The following COX20 variants were observed in gnomAD, a reference collection of about 807,000 sequenced individuals.
COX20 encodes the protein cytochrome c oxidase assembly protein COX20, mitochondrial.
In COX20, 14 loss-of-function variants were observed where a neutral mutation model predicts 14.3. The ratio of observed to expected loss-of-function variants is 0.98; its 90% CI spans 0.65 to 1.53. The LOEUF (loss-of-function observed/expected upper bound fraction) is 1.53. Among genes scored for constraint, COX20 ranks in the 40% most tolerant of loss-of-function variants. The probability of loss-of-function intolerance (pLI) is 0.00; values close to 1 mark genes in which losing one functional copy is unlikely to be tolerated. For synonymous variants in COX20, 56 were observed against 51.7 expected (o/e 1.08, Z -0.36); for missense variants, 149 against 142.1 (o/e 1.05, Z -0.25).
In COX20 at chr1:244,843,874, C is replaced by A. The variant is rs1413580185; in HGVS notation, c.*698C>A. 1 of 152,206 alleles carries A rather than the reference C, an allele frequency of 6.6e-6. No homozygotes were observed. The highest frequency in any genetic ancestry group is 1.5e-5 in the Non-Finnish European group (1 of 68,042). The allele number at this position is 152,206 out of a possible 1,614,324, so 9.4% of individuals were successfully genotyped here. A position where few individuals can be genotyped will look rare whatever the true frequency, so the allele number is the denominator to read the frequency against. ...AACAATCCATTTGAAAGTCAATCAG[C>A]TGCTCCCATTAAAATATTATTTAAA... On this transcript the variant is annotated 3_prime_UTR_variant, in exon 4 of 4. Transcript: ENST00000411948.
At chr1:244,843,018 T>C in intron 3 of COX20, 23 bp from the exon 4 acceptor site, 2 of 1,481,366 alleles carry the variant, frequency 1.4e-6, no homozygotes, top group Non-Finnish European at 9.1e-7. Context: ...ATTAACAATT[T>C]ATTCATATTC....
At chr1:244,841,647 A>T (rs923639628) in intron 1 of COX20, 7 of 256,894 alleles carry the variant, frequency 2.7e-5, no homozygotes, top group Non-Finnish European at 5.2e-5. Context: ...TAAAGAGCTC[A>T]TAAAATGAAT....
In COX20 at chr1:244,842,202, TAGA is replaced by T. The variant is rs755959906; in HGVS notation, c.169_171del (p.Arg57del). Reference sequence around the variant, plus strand: ...TTATGCTTATTTTTACAGGTAGAATTAGAAGATCATGTGATGTTGGAGTAGGAG... The same window carrying T: ...TTATGCTTATTTTTACAGGTAGAATTAGATCATGTGATGTTGGAGTAGGAG... On this transcript the variant is annotated inframe_deletion, in exon 3 of 4. Transcript: ENST00000411948. 5 of 1,604,200 alleles carry T rather than the reference TAGA, an allele frequency of 3.1e-6. No homozygotes were observed. The highest frequency in any genetic ancestry group is 4.3e-6 in the Non-Finnish European group (5 of 1,171,310).
chr1:244,842,720 G>A, intron 3 of COX20: 1 of 245,316 alleles, frequency 4.1e-6, no homozygotes. Flanking sequence ...TGTAGACATA[G>A]CATTATTATC....
Position 244,844,108 on chromosome 1 carries a change from C to T in COX20, c.*932C>T, listed in dbSNP as rs1418542487. 6.6e-6 allele frequency: 1 copy of T among 152,144 alleles called. No individual in the cohort carries two copies. The highest frequency in any genetic ancestry group is 1.9e-4 in the East Asian group (1 of 5,194). The allele number at this position is 152,144 out of a possible 1,614,324, so 9.4% of individuals were successfully genotyped here. A position where few individuals can be genotyped will look rare whatever the true frequency, so the allele number is the denominator to read the frequency against. ...TAACAGCAGTCAACAGGATTGTGGC[C>T]ATTACTGGTCCTATTATTTTGATGT... On this transcript the variant is annotated 3_prime_UTR_variant, in exon 4 of 4. Coordinates refer to ENST00000411948, the MANE Select transcript of COX20 (RefSeq NM_198076.6).
At chr1:244,838,778 G>A (rs1680081105) in intron 1 of COX20, among the ~76,000 whole-genome samples, 1 of 151,418 alleles carries the variant, frequency 6.6e-6, no homozygotes, top group African/African-American at 2.4e-5. Flanking sequence ...GAGGAGAGGG[G>A]TGTATAGAGG....
chr1:244,841,438 ACT>A (rs1680196284), intron 1 of COX20: 1 of 154,180 alleles, frequency 6.5e-6, no homozygotes, highest in Non-Finnish European at 1.4e-5. Flanking sequence ...TGAAACATTT[ACT>A]CTTACAACCA....
At position 244,835,793 on chromosome 1, in the gene COX20, G is replaced by A. The variant is rs1573306625; in HGVS notation, c.42+37G>A. The A allele has an allele frequency of 3.2e-6, 4 of 1,245,612 alleles. No individual in the cohort carries two copies. The East Asian group carries it at 9.4e-5, about 29-fold the overall frequency. The allele number at this position is 1,245,612 out of a possible 1,614,324, so 77.2% of individuals were successfully genotyped here. Reference sequence around the variant, plus strand: ...GTCGGCGGGGCGCGCGCCGCGGGTGGGCGGTGGGTAAGGACGTTCTCCGCG... The same window carrying A: ...GTCGGCGGGGCGCGCGCCGCGGGTGAGCGGTGGGTAAGGACGTTCTCCGCG... On this transcript the variant is annotated intron_variant, in intron 1 of 3. Coordinates refer to ENST00000411948, the MANE Select transcript of COX20 (RefSeq NM_198076.6).
Position 244,835,722 on chromosome 1 carries a change from CCCCGCCGGAG to C in COX20, c.13_22del (p.Pro5ValfsTer12). 3 of 1,268,730 alleles carry C rather than the reference CCCCGCCGGAG, an allele frequency of 2.4e-6. No homozygotes were observed. Among genetic ancestry groups the C allele is most frequent in the South Asian group, 2.9e-5 (1 of 34,874 alleles). The allele number at this position is 1,268,730 out of a possible 1,614,324, so 78.6% of individuals were successfully genotyped here. A position where few individuals can be genotyped will look rare whatever the true frequency, so the allele number is the denominator to read the frequency against. On this transcript the variant is annotated frameshift_variant, in exon 1 of 4. Transcript: ENST00000411948. LOFTEE classifies it high-confidence loss of function. ...AGTCGCGGAGTAGTCCTCATGGCCG[CCCCGCCGGAG>C]CCCGGTGAGCCCGAGGAGAGGAAGG...
At chr1:244,838,438 G>A (rs1680068102) in intron 1 of COX20, among the ~76,000 whole-genome samples, 2 of 152,204 alleles carry the variant, frequency 1.3e-5, no homozygotes, top group Admixed American at 6.5e-5. Context: ...AGATTCCAAA[G>A]GAGTTAAGAG....
Position 244,844,429 on chromosome 1 carries a change from T to C in COX20, c.*1253T>C, listed in dbSNP as rs1468425825. 1 of 152,232 alleles carries C rather than the reference T, an allele frequency of 6.6e-6. No individual in the cohort carries two copies. Among genetic ancestry groups the C allele is most frequent in the African/African-American group, 2.4e-5 (1 of 41,462 alleles). The allele number at this position is 152,232 out of a possible 1,614,324, so 9.4% of individuals were successfully genotyped here. A position where few individuals can be genotyped will look rare whatever the true frequency, so the allele number is the denominator to read the frequency against. On this transcript the variant is annotated 3_prime_UTR_variant, in exon 4 of 4. Transcript: ENST00000411948. Reference sequence around the variant, plus strand: ...CTTAGTGGCACAAATCAAAGCTGCATGCACTACATTATCCAAATTAGTCGT... The same window carrying C: ...CTTAGTGGCACAAATCAAAGCTGCACGCACTACATTATCCAAATTAGTCGT...
intron 1 of COX20, chr1:244,841,021 G>A (rs1680179809): frequency 6.6e-6 from 1 of 152,162 alleles, no homozygotes; most frequent in Admixed American, 6.5e-5. Flanking sequence ...AAACTTTTGT[G>A]TTAACAGAAA....
chr1:244,836,128 T>A (rs545465760), intron 1 of COX20, among the ~76,000 whole-genome samples: 1 of 152,348 alleles, frequency 6.6e-6, no homozygotes, highest in East Asian at 1.9e-4. Flanking sequence ...TGCCTTGTCT[T>A]TAACACGTTG....
rs1293914504 is a variant in COX20, at chr1:244,843,840, A to G, written c.*664A>G. 4 of 152,240 alleles carry G rather than the reference A, an allele frequency of 2.6e-5. No individual in the cohort carries two copies. The highest frequency in any genetic ancestry group is 9.6e-5 in the African/African-American group (4 of 41,458). The allele number at this position is 152,240 out of a possible 1,614,324, so 9.4% of individuals were successfully genotyped here. A position where few individuals can be genotyped will look rare whatever the true frequency, so the allele number is the denominator to read the frequency against. On this transcript the variant is annotated 3_prime_UTR_variant, in exon 4 of 4. Transcript: ENST00000411948. ...ATAGTAAAACAACTGCAGAATTACT[A>G]TTAATGTAAACAATCCATTTGAAAG...
chr1:244,841,878 T>G, intron 1 of COX20, 66 bp from the exon 2 acceptor site: 1 of 971,486 alleles, frequency 1.0e-6, no homozygotes, highest in Non-Finnish European at 1.6e-6. Flanking sequence ...GTATTGTCAT[T>G]TTTGCCAAAG....
rs1449308635 is a variant in COX20 at position 244,844,441 on chromosome 1, T to C, written c.*1265T>C. 1 of 152,146 alleles carries C rather than the reference T, an allele frequency of 6.6e-6. No individual in the cohort carries two copies. The highest frequency in any genetic ancestry group is 2.4e-5 in the African/African-American group (1 of 41,438). 9.4% of individuals were successfully genotyped at this position (152,146 alleles called of 1,614,324 possible). On this transcript the variant is annotated 3_prime_UTR_variant, in exon 4 of 4. Transcript: ENST00000411948. The stretch of plus-strand genomic sequence containing the variant: ...AATCAAAGCTGCATGCACTACATTA[T>C]CCAAATTAGTCGTAACCAAATAGTT...
chr1:244,842,280 G>T, intron 3 of COX20, 22 bp downstream of exon 3: 1 of 1,517,032 alleles, frequency 6.6e-7, no homozygotes, highest in South Asian at 1.1e-5. Context: ...AAGTATTCAA[G>T]AACATCCATG....
At chr1:244,835,777 G>A in intron 1 of COX20, 21 bp downstream of exon 1, 1 of 1,249,910 alleles carries the variant, frequency 8.0e-7, no homozygotes, top group Non-Finnish European at 1.0e-6. Context: ...GGTCGGCGGG[G>A]CGCGCGCCGC....
rs1052837991 is a variant in COX20, at chr1:244,836,505, T to C, written c.42+749T>C. On this transcript the variant is annotated intron_variant, in intron 1 of 3. Coordinates refer to ENST00000411948, the MANE Select transcript of COX20 (RefSeq NM_198076.6). ...CCCAGGCATCTTGTACGTCGTTACATTTATCATATTGGAAGGTAATAAATG... is the reference window on the plus strand; with the variant it reads ...CCCAGGCATCTTGTACGTCGTTACACTTATCATATTGGAAGGTAATAAATG... 19 of 1,550,510 alleles carry C rather than the reference T, an allele frequency of 1.2e-5. No individual in the cohort carries two copies. The African/African-American group carries it at 1.9e-4, about 16-fold the overall frequency.
Sources: allele counts gnomAD v4.1 joint callset (sites outside exome capture counted in the v4.1 genomes callset), GRCh38; gene constraint gnomAD v4.1.1; transcripts MANE v1.5; gene names NCBI Gene and HGNC (gene_info 2026-07-23, HGNC 2026-07-21).